Variants in CNTN4 observed in about 807,000 individuals in gnomAD.
The protein encoded by CNTN4 is contactin-4.
CNTN4 carries 77 observed loss-of-function variants against 122.5 expected under a neutral mutation model. The ratio of observed to expected loss-of-function variants is 0.63; its 90% CI spans 0.52 to 0.76. The LOEUF (loss-of-function observed/expected upper bound fraction) is 0.76, where lower values mean the gene tolerates loss of function less well. Among genes scored for constraint, CNTN4 ranks in the 30% least tolerant of loss-of-function variants. The pLI, the probability that CNTN4 is intolerant of heterozygous loss-of-function variation, is 0.00. For missense variants in CNTN4, 1,256 were observed against 1,259.1 expected, an observed-to-expected ratio of 1.00 and a Z score of 0.04; for synonymous variants, 512 against 447.0, an observed-to-expected ratio of 1.15 and a Z score of -1.83.
At chr3:2,574,629 ATTC>A (rs1286810448) in intron 4 of CNTN4, among the ~76,000 whole-genome samples, 1 of 152,142 alleles carries the variant, frequency 6.6e-6, no homozygotes, top group Admixed American at 6.5e-5. Flanking sequence ...TGGCTTCATT[ATTC>A]TTCTTCTTCA....
intron 6 of CNTN4, among the ~76,000 whole-genome samples, chr3:2,785,722 T>C (rs1224222090): frequency 6.6e-6 from 1 of 152,064 alleles, no homozygotes; most frequent in East Asian, 1.9e-4. Flanking sequence ...TACCACCCCA[T>C]GTGGCGGCTC....
chr3:2,684,757 T>C (rs996408720), intron 4 of CNTN4, among the ~76,000 whole-genome samples: 5 of 152,212 alleles, frequency 3.3e-5, no homozygotes, highest in Admixed American at 1.3e-4. Context: ...TTGTCTATGG[T>C]CATATTTAAA....
At chr3:2,358,778 T>C (rs2044985095) in intron 3 of CNTN4, among the ~76,000 whole-genome samples, 2 of 152,218 alleles carry the variant, frequency 1.3e-5, no homozygotes, top group African/African-American at 4.8e-5. Context: ...TGAACTACTA[T>C]GCTGGAGTTT....
intron 13 of CNTN4, among the ~76,000 whole-genome samples, chr3:2,959,795 C>T (rs2094835263): frequency 6.6e-6 from 1 of 152,060 alleles, no homozygotes; most frequent in Admixed American, 6.6e-5. Context: ...TTTTGTCTCC[C>T]TAGGTATGAG....
At chr3:2,889,509 T>C (rs1042940977) in intron 10 of CNTN4, among the ~76,000 whole-genome samples, 3 of 152,182 alleles carry the variant, frequency 2.0e-5, no homozygotes, top group Non-Finnish European at 2.9e-5. Context: ...AAATTACAGA[T>C]TTATTCAGTG....
chr3:2,437,451 A>G (rs930113067), intron 3 of CNTN4, among the ~76,000 whole-genome samples: 1 of 152,162 alleles, frequency 6.6e-6, no homozygotes, highest in African/African-American at 2.4e-5. Context: ...AGCCCTTTAT[A>G]TTGTGAAATT....
chr3:2,234,368 C>T (rs1194338552), intron 2 of CNTN4, among the ~76,000 whole-genome samples: 3 of 18,774 alleles, frequency 1.6e-4, no homozygotes, highest in African/African-American at 5.6e-4. Context: ...ACAAGTCCAT[C>T]TCAAAAAAAA....
intron 3 of CNTN4, among the ~76,000 whole-genome samples, chr3:2,546,695 A>G (rs1421196777): frequency 6.6e-6 from 1 of 152,168 alleles, no homozygotes; most frequent in Non-Finnish European, 1.5e-5. Context: ...TCCCAATGTA[A>G]GAGACAAATA....
intron 2 of CNTN4, among the ~76,000 whole-genome samples, chr3:2,309,276 G>A (rs766916397): frequency 6.6e-6 from 1 of 151,966 alleles, no homozygotes; most frequent in Non-Finnish European, 1.5e-5. Context: ...TGCTGTTCCA[G>A]CTCTTTTTTT....
At chr3:2,125,546 T>G (rs1354736759) in intron 2 of CNTN4, among the ~76,000 whole-genome samples, 1 of 137,648 alleles carries the variant, frequency 7.3e-6, no homozygotes, top group Non-Finnish European at 1.5e-5. Flanking sequence ...AAGATTTCTT[T>G]TTTCTTTTTC....
chr3:2,598,696 A>G (rs867022178), intron 4 of CNTN4, among the ~76,000 whole-genome samples: 1 of 152,214 alleles, frequency 6.6e-6, no homozygotes, highest in Non-Finnish European at 1.5e-5. Context: ...AAGTAAAAGC[A>G]ACAAAATATA....
intron 13 of CNTN4, among the ~76,000 whole-genome samples, chr3:2,969,515 G>GGATTATTATTAT (rs149871144): frequency 0.032 from 4,669 of 143,676 alleles, 142 homozygotes; most frequent in African/African-American, 0.085. Flanking sequence ...AGGAAAATTG[G>GGATTATTATTAT]GATTATTATT....
chr3:2,455,697 C>G (rs575763338), intron 3 of CNTN4, among the ~76,000 whole-genome samples: 1 of 152,030 alleles, frequency 6.6e-6, no homozygotes, highest in Admixed American at 6.6e-5. Context: ...TTTAGCCAGA[C>G]GTGTCTGAGT....
At chr3:2,871,726 A>G (rs1163223921) in intron 8 of CNTN4, among the ~76,000 whole-genome samples, 1 of 152,200 alleles carries the variant, frequency 6.6e-6, no homozygotes, top group Non-Finnish European at 1.5e-5. Context: ...ACTGAGGTTC[A>G]GAAAAGGCTG....
At chr3:2,599,036 T>C (rs898232376) in intron 4 of CNTN4, among the ~76,000 whole-genome samples, 1 of 152,220 alleles carries the variant, frequency 6.6e-6, no homozygotes, top group Non-Finnish European at 1.5e-5. Context: ...TGTTGAGTAT[T>C]GTGTGCTCAA....
intron 3 of CNTN4, among the ~76,000 whole-genome samples, chr3:2,552,278 T>G (rs2078540591): frequency 6.6e-6 from 1 of 152,204 alleles, no homozygotes; most frequent in South Asian, 2.1e-4. Flanking sequence ...AAAAGCGTTT[T>G]AGGAATGCTG....
intron 6 of CNTN4, among the ~76,000 whole-genome samples, chr3:2,805,166 A>C (rs991200813): frequency 1.3e-5 from 2 of 151,786 alleles, no homozygotes; most frequent in Non-Finnish European, 2.9e-5. Flanking sequence ...AACAAGAACA[A>C]AACTCTGTCT....
chr3:3,004,471 C>A (rs1328652227), intron 14 of CNTN4, among the ~76,000 whole-genome samples: 1 of 152,182 alleles, frequency 6.6e-6, no homozygotes, highest in Non-Finnish European at 1.5e-5. Context: ...AGTTACTGGA[C>A]AGAGAAGGTC....
At chr3:2,830,546 G>C (rs1244993299) in intron 7 of CNTN4, among the ~76,000 whole-genome samples, 1 of 152,162 alleles carries the variant, frequency 6.6e-6, no homozygotes, top group Non-Finnish European at 1.5e-5. Flanking sequence ...ACATAGGTTG[G>C]GACATGAAGA....
Sources: gnomAD v4.1 joint callset for allele counts (sites outside exome capture counted in the v4.1 genomes callset) on GRCh38, gnomAD v4.1.1 for gene constraint, MANE v1.5 for transcripts, NCBI Gene and HGNC (gene_info 2026-07-23, HGNC 2026-07-21) for gene names.